Variants in SNTB1 observed in about 807,000 individuals in gnomAD.
SNTB1 encodes the protein beta-1-syntrophin.
A neutral mutation model predicts 48.9 loss-of-function variants in SNTB1; 36 were observed. That is an observed-to-expected ratio of 0.74 (90% CI 0.56 to 0.97). SNTB1 has a LOEUF of 0.97. Ranked by LOEUF, SNTB1 falls within the 50% of genes least tolerant of loss-of-function variation. SNTB1 has a pLI of 0.00. For missense variants in SNTB1, 786 were observed against 703.4 expected, an observed-to-expected ratio of 1.12 and a Z score of -1.33; for synonymous variants, 299 against 294.6, an observed-to-expected ratio of 1.01 and a Z score of -0.15.
chr8:120,677,681 C>T (rs180959142), intron 2 of SNTB1, among the ~76,000 whole-genome samples: 11 of 151,982 alleles, frequency 7.2e-5, no homozygotes, highest in Admixed American at 5.2e-4. Flanking sequence ...AGGCATTAGG[C>T]AGATGTCAAC....
chr8:120,735,897 T>A (rs1818933957), intron 1 of SNTB1, among the ~76,000 whole-genome samples: 1 of 152,190 alleles, frequency 6.6e-6, no homozygotes, highest in Non-Finnish European at 1.5e-5. Flanking sequence ...TCACCAAGTA[T>A]TTTTATTGTA....
At chr8:120,712,296 T>C (rs1216529375) in intron 1 of SNTB1, among the ~76,000 whole-genome samples, 1 of 151,076 alleles carries the variant, frequency 6.6e-6, no homozygotes, top group East Asian at 2.0e-4. Context: ...GTGCCTGTAG[T>C]CCCGGCTACT....
chr8:120,602,837 A>T (rs1011887239), intron 3 of SNTB1, among the ~76,000 whole-genome samples: 1 of 151,334 alleles, frequency 6.6e-6, no homozygotes. Flanking sequence ...AGTCATTTTA[A>T]ATGTCAATTC....
chr8:120,643,950 A>C (rs1817238433), intron 2 of SNTB1, among the ~76,000 whole-genome samples: 1 of 152,202 alleles, frequency 6.6e-6, no homozygotes, highest in South Asian at 2.1e-4. Flanking sequence ...ATACACATTC[A>C]AGAAAATGAG....
At chr8:120,575,427 G>A (rs959183478) in intron 3 of SNTB1, among the ~76,000 whole-genome samples, 1 of 152,180 alleles carries the variant, frequency 6.6e-6, no homozygotes, top group Non-Finnish European at 1.5e-5. Context: ...GCCCTGAAAT[G>A]TATAGTCAGG....
intron 1 of SNTB1, among the ~76,000 whole-genome samples, chr8:120,724,613 T>A (rs2129958915): frequency 6.6e-6 from 1 of 152,372 alleles, no homozygotes; most frequent in Non-Finnish European, 1.5e-5. Context: ...AAATCTCTAA[T>A]CTAATGTAAC....
chr8:120,659,789 A>C (rs897632365), intron 2 of SNTB1, among the ~76,000 whole-genome samples: 3 of 152,214 alleles, frequency 2.0e-5, no homozygotes, highest in African/African-American at 7.2e-5. Flanking sequence ...ACTCATGATC[A>C]CATCTTAAAT....
At chr8:120,679,647 T>G (rs1189875402) in intron 2 of SNTB1, among the ~76,000 whole-genome samples, 1 of 152,204 alleles carries the variant, frequency 6.6e-6, no homozygotes, top group Non-Finnish European at 1.5e-5. Flanking sequence ...CCTAACCTTA[T>G]AAAAGAAGCC....
At chr8:120,761,534 A>G (rs899114113) in intron 1 of SNTB1, among the ~76,000 whole-genome samples, 2 of 152,218 alleles carry the variant, frequency 1.3e-5, no homozygotes, top group East Asian at 3.8e-4. Context: ...CTGTAGACAT[A>G]CATACCTAAC....
At chr8:120,581,808 T>C (rs1816054485) in intron 3 of SNTB1, among the ~76,000 whole-genome samples, 1 of 152,062 alleles carries the variant, frequency 6.6e-6, no homozygotes, top group African/African-American at 2.4e-5. Flanking sequence ...CAGGCTGGAA[T>C]GCAGTGGTGC....
In SNTB1 at chr8:120,811,528, T is replaced by C. The variant is rs2130201904; in HGVS notation, c.316A>G (p.Ile106Val). 1 of 1,611,588 alleles carries C rather than the reference T, an allele frequency of 6.2e-7. No homozygotes were observed. Among genetic ancestry groups the C allele is most frequent in the African/African-American group, 1.3e-5 (1 of 74,948 alleles). The change falls in exon 1 of 7, where the codon ATC (isoleucine) becomes GTC (valine). Residue 106 changes from isoleucine to valine, a missense_variant. Physicochemically the swap from Ile to Val is conservative, Grantham distance 29. Transcript: ENST00000517992. ...TTCACGCCACGCTTCTGGTTCGAGA[T>C]GGACTCGGGCACCTGCTCGGGCAGG... ...TDLPEQVPES[I>V]SNQKRGVKVL...
intron 4 of SNTB1, chr8:120,571,479 G>GTTTTTT (rs574978297): frequency 6.3e-6 from 1 of 158,408 alleles, no homozygotes. Context: ...ACTATTGAGG[G>GTTTTTT]TTTTTTTTTT....
At chr8:120,771,855 A>AT (rs1819641266) in intron 1 of SNTB1, among the ~76,000 whole-genome samples, 1 of 151,782 alleles carries the variant, frequency 6.6e-6, no homozygotes, top group South Asian at 2.1e-4. Context: ...ATTTTATTTT[A>AT]TTTATTTATT....
Position 120,535,869 on chromosome 8 carries a change from T to C in SNTB1, c.*3008A>G. On this transcript the variant is annotated 3_prime_UTR_variant, in exon 7 of 7. Transcript: ENST00000517992. Reference sequence around the variant, plus strand: ...ATACATCCAAAAATTACCCCCTCACTGTAGCCTACTCCAATCCCCTCAAGA... The same window carrying C: ...ATACATCCAAAAATTACCCCCTCACCGTAGCCTACTCCAATCCCCTCAAGA... 6.6e-6 allele frequency: 1 copy of C among 152,150 alleles called. No individual in the cohort carries two copies. Among genetic ancestry groups the C allele is most frequent in the East Asian group, 1.9e-4 (1 of 5,192 alleles). 9.4% of individuals were successfully genotyped at this position (152,150 alleles called of 1,614,324 possible). A position where few individuals can be genotyped will look rare whatever the true frequency, so the allele number is the denominator to read the frequency against.
chr8:120,738,403 A>G (rs928923788), intron 1 of SNTB1, among the ~76,000 whole-genome samples: 1 of 152,230 alleles, frequency 6.6e-6, no homozygotes, highest in Admixed American at 6.5e-5. Flanking sequence ...TTTAATGTAG[A>G]GTCAGTCTAC....
chr8:120,582,404 T>C (rs1441265378), intron 3 of SNTB1, among the ~76,000 whole-genome samples: 1 of 151,794 alleles, frequency 6.6e-6, no homozygotes, highest in Non-Finnish European at 1.5e-5. Context: ...AAAATCAAAA[T>C]AAGCAGAAAA....
rs35239154 is a variant in SNTB1 at position 120,592,184 on chromosome 8, A to AT, written c.997-16960dup. 1.2e-3 allele frequency among the ~76,000 whole-genome samples: 181 copies of AT among 149,134 alleles called. 3 individuals are homozygous for AT. Among genetic ancestry groups the AT allele is most frequent in the East Asian group, 9.0e-3 (46 of 5,104 alleles). On this transcript the variant is annotated intron_variant, in intron 3 of 6. Transcript: ENST00000517992. ...GTCCAATTTCAAGCTAATAAGCAGA[A>AT]TTTTTTTTTTTCCAAGAGAGAGGGC... is the stretch of plus-strand genomic sequence containing the variant.
At chr8:120,738,425 G>A (rs1587126119) in intron 1 of SNTB1, among the ~76,000 whole-genome samples, 3 of 152,126 alleles carry the variant, frequency 2.0e-5, no homozygotes, top group Admixed American at 6.5e-5. Flanking sequence ...GCAGGTGATC[G>A]AAGACCTTAC....
intron 1 of SNTB1, among the ~76,000 whole-genome samples, chr8:120,712,903 A>G (rs1818488091): frequency 6.6e-6 from 1 of 152,186 alleles, no homozygotes; most frequent in Non-Finnish European, 1.5e-5. Flanking sequence ...ATCCAGCCCT[A>G]GCATTACCCA....
Sources: allele counts gnomAD v4.1 joint callset (sites outside exome capture counted in the v4.1 genomes callset), GRCh38; gene constraint gnomAD v4.1.1; transcripts MANE v1.5; gene names NCBI Gene and HGNC (gene_info 2026-07-23, HGNC 2026-07-21).